TRIM4: variants seen among roughly 807,000 people sequenced by gnomAD.
The protein encoded by TRIM4 is E3 ubiquitin-protein ligase TRIM4.
In TRIM4, 29 loss-of-function variants were observed where a neutral mutation model predicts 33.7. That is an observed-to-expected ratio of 0.86 (90% confidence interval 0.64 to 1.17). The LOEUF (loss-of-function observed/expected upper bound fraction) is 1.17. TRIM4 is among the 50% of genes most tolerant of loss of function. The probability of loss-of-function intolerance (pLI) is 0.00; values close to 1 mark genes in which losing one functional copy is unlikely to be tolerated. For missense variants in TRIM4, 554 were observed against 593.7 expected, an observed-to-expected ratio of 0.93 and a Z score of 0.69; for synonymous variants, 224 against 233.0, an observed-to-expected ratio of 0.96 and a Z score of 0.35.
chr7:99,909,886 C>G (rs1819402241), intron 1 of TRIM4, among the ~76,000 whole-genome samples: 1 of 151,902 alleles, frequency 6.6e-6, no homozygotes, highest in South Asian at 2.1e-4. Flanking sequence ...CATGCTCCGT[C>G]AGGTCCAACT....
At chr7:99,894,688 A>T (rs1268833959) in intron 5 of TRIM4, among the ~76,000 whole-genome samples, 4 of 151,078 alleles carry the variant, frequency 2.6e-5, no homozygotes, top group African/African-American at 4.9e-5. Context: ...AAAAAAGAAA[A>T]GAAAAGAAAG....
At chr7:99,903,797 C>T (rs1258648251) in intron 3 of TRIM4, among the ~76,000 whole-genome samples, 199 bp from the exon 4 acceptor site, 3 of 152,150 alleles carry the variant, frequency 2.0e-5, no homozygotes, top group Admixed American at 6.6e-5. Context: ...ATGCTGCCTG[C>T]GCCCCTCCTC....
chr7:99,909,739 T>G (rs1381717249), intron 1 of TRIM4, 79 bp from the exon 2 acceptor site: 21 of 1,243,580 alleles, frequency 1.7e-5, no homozygotes, highest in Non-Finnish European at 2.1e-5. Flanking sequence ...GTTTTTTTTT[T>G]TTTTTTTTTT....
Position 99,891,929 on chromosome 7 carries a change from G to A in TRIM4, c.*234C>T. 2.2e-6 allele frequency: 1 copy of A among 464,864 alleles called. No individual in the cohort carries two copies. Among genetic ancestry groups the A allele is most frequent in the Non-Finnish European group, 3.8e-6 (1 of 265,168 alleles). 28.8% of individuals were successfully genotyped at this position (464,864 alleles called of 1,614,324 possible). A position where few individuals can be genotyped will look rare whatever the true frequency, so the allele number is the denominator to read the frequency against. ...CACATCTCTTTAAAAGCTACAAAAA[G>A]ATTTCCCAAAAGCGTCTTGGAAAAT... is the stretch of plus-strand genomic sequence containing the variant. On this transcript the variant is annotated 3_prime_UTR_variant, in exon 6 of 6. Transcript: ENST00000349062.
intron 3 of TRIM4, 138 bp downstream of exon 3, chr7:99,908,444 A>C: frequency 4.3e-6 from 3 of 701,982 alleles, no homozygotes; most frequent in Middle Eastern, 4.2e-4. Flanking sequence ...TTGGCTTTTT[A>C]GTTATGTGAC....
At position 99,891,374 on chromosome 7, in the gene TRIM4, A is replaced by G. The variant is rs1467412444; in HGVS notation, c.*789T>C. On this transcript the variant is annotated 3_prime_UTR_variant, in exon 6 of 6. Coordinates refer to ENST00000349062, the MANE Select transcript of TRIM4 (RefSeq NM_033091.3). ...ATATGCAACAGCATATGAAGAGGCT[A>G]GCAAAAGATATTTAACAAGCGTTCA... The G allele has an allele frequency of 6.6e-6, 1 of 152,270 alleles. No individual in the cohort carries two copies. The highest frequency in any genetic ancestry group is 6.5e-5 in the Admixed American group (1 of 15,286). The allele number at this position is 152,270 out of a possible 1,614,324, so 9.4% of individuals were successfully genotyped here.
Position 99,919,001 on chromosome 7 carries a change from C to T in TRIM4, c.393+8G>A. 1 of 1,584,832 alleles carries T rather than the reference C, an allele frequency of 6.3e-7. No individual in the cohort carries two copies. Among genetic ancestry groups the T allele is most frequent in the Non-Finnish European group, 8.6e-7 (1 of 1,167,958 alleles). ...GCCCCGTCATAGTCACCGCGACGGC[C>T]AGCTCACCCGGTAGCTCTCGAAGGC... On this transcript the variant is annotated splice_region_variant and intron_variant, in intron 1 of 5. Transcript: ENST00000349062.
chr7:99,902,001 A>T, intron 5 of TRIM4: 1 of 662,244 alleles, frequency 1.5e-6, no homozygotes, highest in Non-Finnish European at 2.7e-6. Context: ...CAGTTACCTC[A>T]GCCTTACATG....
intron 1 of TRIM4, among the ~76,000 whole-genome samples, chr7:99,918,386 G>A (rs1042057545): frequency 6.6e-6 from 1 of 152,246 alleles, no homozygotes; most frequent in African/African-American, 2.4e-5. Context: ...GGCCAAGATG[G>A]TGAAACCCCT....
Position 99,899,095 on chromosome 7 carries a change from G to A in TRIM4, c.841+4123C>T, listed in dbSNP as rs937774384. ...ACTGCAGTGTACGGCAGACACACCT[G>A]ACAGCAGTAACTCCAGCACACCCTG... is the stretch of plus-strand genomic sequence containing the variant. On this transcript the variant is annotated intron_variant, in intron 5 of 5. Transcript: ENST00000349062. Among the ~76,000 whole-genome samples, 5 of 152,310 alleles carry A rather than the reference G, an allele frequency of 3.3e-5. No homozygotes were observed. The East Asian group carries it at 9.6e-4, about 29-fold the overall frequency.
In TRIM4 at chr7:99,892,190, G is replaced by A. The variant is rs1818906054; in HGVS notation, c.1398C>T (p.Val466=). The change falls in exon 6 of 6, where the codon GTC becomes GTT. Residue 466 remains valine (V), a synonymous_variant. Coordinates refer to ENST00000349062, the MANE Select transcript of TRIM4 (RefSeq NM_033091.3). ...FFWLSPLASL[V]IPPVTDRK is the part of the protein sequence containing the mutation. ...ATTTCCTATCAGTCACTGGTGGAAT[G>A]ACTAAAGATGCTAATGGACTCAACC... 6.2e-7 allele frequency: 1 copy of A among 1,612,648 alleles called. No individual in the cohort carries two copies. The highest frequency in any genetic ancestry group is 8.5e-7 in the Non-Finnish European group (1 of 1,179,500).
chr7:99,919,353 C>T lies in TRIM4; in HGVS notation c.49G>A (p.Asp17Asn). Reference protein sequence around the residue: ...QEELTCPICLDYFQDPVSIEC... With the variant: ...QEELTCPICLNYFQDPVSIEC... ...ATGGACACCGGGTCCTGGAAATAGT[C>T]CAGGCAGATGGGGCAGGTCAACTCC... is the stretch of plus-strand genomic sequence containing the variant. The change falls in exon 1 of 6, where the codon GAC becomes AAC. Residue 17 changes from aspartate (D) to asparagine (N), a missense_variant. By Grantham distance (23) the Asp-to-Asn change is conservative. This residue lies in a region of TRIM4 where 233 missense variants were observed against 203.1 expected (regional missense o/e 1.15). Coordinates refer to ENST00000349062, the MANE Select transcript of TRIM4 (RefSeq NM_033091.3). 1 of 1,578,228 alleles carries T rather than the reference C, an allele frequency of 6.3e-7. No individual in the cohort carries two copies. The highest frequency in any genetic ancestry group is 1.1e-5 in the South Asian group (1 of 86,980).
In TRIM4 at chr7:99,916,670, C is replaced by G. The variant is rs755217789; in HGVS notation, c.393+2339G>C. ...CACTCCATCCCTCCCTCTCCATCATCCCTGCCCTGAACTAATTCAGGTCTT... is the reference window on the plus strand; with the variant it reads ...CACTCCATCCCTCCCTCTCCATCATGCCTGCCCTGAACTAATTCAGGTCTT... On this transcript the variant is annotated intron_variant, in intron 1 of 5. Transcript: ENST00000349062. The G allele has an allele frequency of 3.8e-5, 30 of 779,902 alleles. No homozygotes were observed. The Admixed American group carries it at 4.4e-4, about 11-fold the overall frequency. The allele number at this position is 779,902 out of a possible 1,614,324, so 48.3% of individuals were successfully genotyped here. A position where few individuals can be genotyped will look rare whatever the true frequency, so the allele number is the denominator to read the frequency against.
chr7:99,898,292 G>A (rs1435813815), intron 5 of TRIM4, among the ~76,000 whole-genome samples: 3 of 152,202 alleles, frequency 2.0e-5, no homozygotes, highest in Non-Finnish European at 4.4e-5. Context: ...CAGGTAGTAA[G>A]TCATGCACCC....
chr7:99,909,721 T>C, intron 1 of TRIM4, 61 bp from the exon 2 acceptor site: 4 of 1,307,204 alleles, frequency 3.1e-6, no homozygotes, highest in South Asian at 2.7e-5. Context: ...ATCTTCTTTT[T>C]TCTTTTTGTT....
At chr7:99,895,478 T>A (rs375776910) in intron 5 of TRIM4, among the ~76,000 whole-genome samples, 22 of 152,230 alleles carry the variant, frequency 1.4e-4, no homozygotes, top group Non-Finnish European at 2.4e-4. Flanking sequence ...TTAGTCTATC[T>A]TGGAAAATGT....
intron 1 of TRIM4, among the ~76,000 whole-genome samples, chr7:99,913,531 C>A (rs1051922425): frequency 6.6e-6 from 1 of 151,792 alleles, no homozygotes; most frequent in Admixed American, 6.6e-5. Context: ...ATTAGCCGGG[C>A]ATGGTGGCAC....
In TRIM4 at chr7:99,892,459, C is replaced by T. The variant is rs1460389023; in HGVS notation, c.1129G>A (p.Gly377Arg). 1.9e-6 allele frequency: 3 copies of T among 1,614,122 alleles called. No individual in the cohort carries two copies. Among genetic ancestry groups the T allele is most frequent in the East Asian group, 4.5e-5 (2 of 44,882 alleles). The stretch of plus-strand genomic sequence containing the variant: ...GACATTTTTGAACGATCAGTAATTC[C>T]CATGACGTCCTCCCGACACACCCCA... ...AVGVCREDVMGITDRSKMSPD... is the reference protein window; with the variant it reads ...AVGVCREDVMRITDRSKMSPD... Residue 377 changes from glycine to arginine, a missense_variant, in exon 6 of 6, where the codon GGA becomes AGA. By Grantham distance (125) the Gly-to-Arg change is moderately radical. Around this residue, in one of 3 missense-constraint regions of TRIM4, gnomAD observed 290 missense variants for 335.8 expected, o/e 0.86. Coordinates refer to ENST00000349062, the MANE Select transcript of TRIM4 (RefSeq NM_033091.3).
intron 1 of TRIM4, among the ~76,000 whole-genome samples, chr7:99,911,746 C>T (rs773812051): frequency 4.6e-5 from 7 of 152,132 alleles, no homozygotes; most frequent in African/African-American, 7.2e-5. Context: ...CAGTGTAAAA[C>T]TAAACATACA....
Sources: gnomAD v4.1 joint callset for allele counts (sites outside exome capture counted in the v4.1 genomes callset) on GRCh38, gnomAD v4.1.1 for gene constraint, gnomAD v4.1.1 regional missense constraint, MANE v1.5 for transcripts, NCBI Gene and HGNC (gene_info 2026-07-23, HGNC 2026-07-21) for gene names.